Variants in NBEAL1 observed in about 807,000 individuals in gnomAD.
The protein encoded by NBEAL1 is neurobeachin-like protein 1.
In NBEAL1, 273 loss-of-function variants were observed where a neutral mutation model predicts 351.3. The observed-to-expected ratio is 0.78, with a 90% CI of 0.70 to 0.86. The LOEUF (loss-of-function observed/expected upper bound fraction) is 0.86, where lower values mean the gene tolerates loss of function less well. Ranked by LOEUF, NBEAL1 falls within the 40% of genes least tolerant of loss-of-function variation. The pLI, the probability that NBEAL1 is intolerant of heterozygous loss-of-function variation, is 0.00. For synonymous variants in NBEAL1, 1,050 were observed against 1,086.4 expected (o/e 0.97, Z 0.66); for missense variants, 2,961 against 3,201.3 (o/e 0.92, Z 1.81).
intron 10 of NBEAL1, among the ~76,000 whole-genome samples, chr2:203,092,689 G>A (rs907080294): frequency 6.6e-6 from 1 of 152,182 alleles, no homozygotes; most frequent in African/African-American, 2.4e-5. Flanking sequence ...TCTATTTGAG[G>A]TATTCTTTTC....
chr2:203,025,623 A>G (rs1044049110), intron 2 of NBEAL1, among the ~76,000 whole-genome samples: 2 of 152,200 alleles, frequency 1.3e-5, no homozygotes, highest in East Asian at 1.9e-4. Context: ...ATCTATCTCA[A>G]GAACTCCAAA....
In NBEAL1 at chr2:203,145,079, T is replaced by C. The variant is rs745999830; in HGVS notation, c.5223T>C (p.Tyr1741=). ...FYDGHENMAL[Y]WKDCYEALMV... is the part of the protein sequence containing the mutation. The stretch of plus-strand genomic sequence containing the variant: ...ATGGTCATGAGAACATGGCACTTTA[T>C]TGGAAGGATTGTTATGAAGCTTTAA... Residue 1741 remains tyrosine (Y), a synonymous_variant, in exon 33 of 56, where the codon TAT becomes TAC. Coordinates refer to ENST00000683969, the MANE Select transcript of NBEAL1 (RefSeq NM_001378026.1). The C allele has an allele frequency of 6.2e-7, 1 of 1,613,356 alleles. No homozygotes were observed. Among genetic ancestry groups the C allele is most frequent in the Admixed American group, 1.7e-5 (1 of 59,946 alleles).
At chr2:203,120,179 T>C (rs1366485775) in intron 18 of NBEAL1, among the ~76,000 whole-genome samples, 1 of 152,214 alleles carries the variant, frequency 6.6e-6, no homozygotes, top group Non-Finnish European at 1.5e-5. Context: ...TTAAGCACTA[T>C]GCTAAGTATT....
At chr2:203,019,845 A>G (rs1488651160) in intron 2 of NBEAL1, among the ~76,000 whole-genome samples, 1 of 152,166 alleles carries the variant, frequency 6.6e-6, no homozygotes, top group African/African-American at 2.4e-5. Context: ...GCCTGGGTTC[A>G]ATTGTAAGCT....
At chr2:203,144,472 A>T (rs1396413055) in intron 31 of NBEAL1, 128 bp from the exon 32 acceptor site, 3 of 847,766 alleles carry the variant, frequency 3.5e-6, no homozygotes, top group Non-Finnish European at 3.6e-6. Flanking sequence ...GCAAAGTAAC[A>T]TCTGAGACCT....
intron 47 of NBEAL1, among the ~76,000 whole-genome samples, chr2:203,195,230 C>A (rs1231398436): frequency 6.6e-6 from 1 of 151,012 alleles, no homozygotes; most frequent in Non-Finnish European, 1.5e-5. Context: ...CTCAAATGAA[C>A]AATATTGTAG....
At chr2:203,172,525 AAAAAG>A (rs2064354408) in intron 40 of NBEAL1, among the ~76,000 whole-genome samples, 199 bp from the exon 41 acceptor site, 1 of 152,182 alleles carries the variant, frequency 6.6e-6, no homozygotes, top group African/African-American at 2.4e-5. Context: ...TGTCTCAAAA[AAAAAG>A]AAAAGAAAAG....
rs1262496334 is a variant in NBEAL1, at chr2:203,223,317, T to C, written c.*5963T>C. Among the ~76,000 whole-genome samples the C allele has an allele frequency of 6.6e-6, 1 of 152,158 alleles. No homozygotes were observed. Among genetic ancestry groups the C allele is most frequent in the Non-Finnish European group, 1.5e-5 (1 of 67,970 alleles). Reference sequence around the variant, plus strand: ...TTTGTTTTTCATGGTACGGTTTTCATGTTTCCTTGGAAACATATTTTGCAA... The same window carrying C: ...TTTGTTTTTCATGGTACGGTTTTCACGTTTCCTTGGAAACATATTTTGCAA... On this transcript the variant is annotated 3_prime_UTR_variant, in exon 56 of 56. Transcript: ENST00000683969.
At chr2:203,065,919 A>C (rs1052453386) in intron 6 of NBEAL1, among the ~76,000 whole-genome samples, 59 of 152,248 alleles carry the variant, frequency 3.9e-4, no homozygotes, top group African/African-American at 1.4e-3. Context: ...GCAATTAACT[A>C]TGCTATATTC....
chr2:203,202,713 T>G lies in NBEAL1; in HGVS notation c.7438T>G (p.Tyr2480Asp), dbSNP rs776737462. ...MDIVTCLATD[Y>D]CGIHLISGSR... is the part of the protein sequence containing the mutation. Reference sequence around the variant, plus strand: ...TATTGTGACTTGCTTAGCTACAGATTACTGTGGAATACATTTGATTTCTGG... The same window carrying G: ...TATTGTGACTTGCTTAGCTACAGATGACTGTGGAATACATTTGATTTCTGG... Residue 2480 changes from tyrosine to aspartate, a missense_variant, in exon 51 of 56, where the codon TAC (tyrosine) becomes GAC (aspartate). Coordinates refer to ENST00000683969, the MANE Select transcript of NBEAL1 (RefSeq NM_001378026.1). 2.5e-6 allele frequency: 4 copies of G among 1,597,586 alleles called. No individual in the cohort carries two copies. The highest frequency in any genetic ancestry group is 1.3e-5 in the African/African-American group (1 of 74,700).
In NBEAL1 at chr2:203,190,392, A is replaced by G; in HGVS notation, c.6921+3A>G. The G allele has an allele frequency of 6.3e-7, 1 of 1,587,234 alleles. No homozygotes were observed. Among genetic ancestry groups the G allele is most frequent in the South Asian group, 1.1e-5 (1 of 88,650 alleles). ...AAACACCCTGTCAATTATTAAAGGTAAGTCAACAACTTAAGAAGTAGATTT... is the reference window on the plus strand; with the variant it reads ...AAACACCCTGTCAATTATTAAAGGTGAGTCAACAACTTAAGAAGTAGATTT... On this transcript the variant is annotated splice_donor_region_variant and intron_variant, in intron 46 of 55. Coordinates refer to ENST00000683969, the MANE Select transcript of NBEAL1 (RefSeq NM_001378026.1).
intron 12 of NBEAL1, among the ~76,000 whole-genome samples, chr2:203,106,529 A>G (rs906932721): frequency 3.3e-5 from 5 of 152,224 alleles, no homozygotes; most frequent in Non-Finnish European, 7.3e-5. Flanking sequence ...TTATGAGTAT[A>G]ATGGATTGCC....
rs759238940 is a variant in NBEAL1 at position 203,218,009 on chromosome 2, G to T, written c.*655G>T. Reference sequence around the variant, plus strand: ...AGTGGAACTAGAGATACATTTTACAGATGTATTTCCTTAATAATATAATTA... The same window carrying T: ...AGTGGAACTAGAGATACATTTTACATATGTATTTCCTTAATAATATAATTA... On this transcript the variant is annotated 3_prime_UTR_variant, in exon 56 of 56. Coordinates refer to ENST00000683969, the MANE Select transcript of NBEAL1 (RefSeq NM_001378026.1). 5 of 791,212 alleles carry T rather than the reference G, an allele frequency of 6.3e-6. No homozygotes were observed. Among genetic ancestry groups the T allele is most frequent in the Non-Finnish European group, 7.7e-6 (5 of 653,122 alleles). The allele number at this position is 791,212 out of a possible 1,614,324, so 49.0% of individuals were successfully genotyped here.
chr2:203,125,387 C>T lies in NBEAL1; in HGVS notation c.2718C>T (p.Leu906=), dbSNP rs1481783812. Residue 906 remains leucine (L), a synonymous_variant, in exon 20 of 56, where the codon CTC becomes CTT. Transcript: ENST00000683969. Reference sequence around the variant, plus strand: ...ACTGCATAGGTGGGTTAAATGTACTCTTTCCTTTATTGGAACAAATCAGCC... The same window carrying T: ...ACTGCATAGGTGGGTTAAATGTACTTTTTCCTTTATTGGAACAAATCAGCC... ...IINCIGGLNV[L]FPLLEQISHF... is the part of the protein sequence containing the mutation. 1 of 1,543,856 alleles carries T rather than the reference C, an allele frequency of 6.5e-7. No homozygotes were observed. The highest frequency in any genetic ancestry group is 1.2e-5 in the South Asian group (1 of 81,846).
At chr2:203,083,794 C>A (rs1450733211) in intron 9 of NBEAL1, among the ~76,000 whole-genome samples, 1 of 152,124 alleles carries the variant, frequency 6.6e-6, no homozygotes, top group Admixed American at 6.5e-5. Flanking sequence ...AGAAAGTTAG[C>A]TAAGACTTTG....
intron 51 of NBEAL1, among the ~76,000 whole-genome samples, chr2:203,205,993 C>G (rs2065543048): frequency 6.6e-6 from 1 of 152,146 alleles, no homozygotes; most frequent in Non-Finnish European, 1.5e-5. Flanking sequence ...CAAATAGCAA[C>G]TATTCAAATA....
Position 203,138,716 on chromosome 2 carries a change from C to T in NBEAL1, c.4816C>T (p.Leu1606Phe), listed in dbSNP as rs1028071261. 6.8e-6 allele frequency: 11 copies of T among 1,612,468 alleles called. No individual in the cohort carries two copies. The African/African-American group carries it at 1.3e-4, about 20-fold the overall frequency. Residue 1606 changes from leucine (L) to phenylalanine (F), a missense_variant, in exon 31 of 56, where the codon CTT becomes TTT. Coordinates refer to ENST00000683969, the MANE Select transcript of NBEAL1 (RefSeq NM_001378026.1). The part of the protein sequence containing the change: ...VKLSQIQIQL[L>F]LGFIGRGNLQ... ...ACTCTCTCAAATTCAGATCCAGTTGCTTCTAGGATTCATTGGAAGGGGTAA... is the reference window on the plus strand; with the variant it reads ...ACTCTCTCAAATTCAGATCCAGTTGTTTCTAGGATTCATTGGAAGGGGTAA...
chr2:203,083,393 C>A lies in NBEAL1; in HGVS notation c.859C>A (p.Arg287Ser). 1 of 1,555,326 alleles carries A rather than the reference C, an allele frequency of 6.4e-7. No homozygotes were observed. The highest frequency in any genetic ancestry group is 1.4e-5 in the African/African-American group (1 of 73,786). ...HILLSSNSDQRQVETSTILEN... is the reference protein window; with the variant it reads ...HILLSSNSDQSQVETSTILEN... ...CCTTCTCAGTAGCAACTCTGATCAG[C>A]GTCAAGTGGAAACCAGTACTATTCT... The change falls in exon 9 of 56, where the codon CGT (arginine) becomes AGT (serine). Residue 287 changes from arginine to serine, a missense_variant. Physicochemically the swap from Arg to Ser is moderately radical, Grantham distance 110. Coordinates refer to ENST00000683969, the MANE Select transcript of NBEAL1 (RefSeq NM_001378026.1).
rs1375017993 is a variant in NBEAL1, at chr2:203,172,396, C to T, written c.6199-333C>T. Among the ~76,000 whole-genome samples the T allele has an allele frequency of 3.9e-5, 6 of 152,046 alleles. No individual in the cohort carries two copies. In the East Asian group the frequency reaches 1.2e-3, roughly 30 times the overall value. On this transcript the variant is annotated intron_variant, in intron 40 of 55. Transcript: ENST00000683969. ...ATTATCTGGGCGTGGTGGTGCACAC[C>T]TGTAATCCCAGCAACTCAGGAGGCT...
Sources: gnomAD v4.1 joint callset for allele counts (sites outside exome capture counted in the v4.1 genomes callset) on GRCh38, gnomAD v4.1.1 for gene constraint, MANE v1.5 for transcripts, NCBI Gene and HGNC (gene_info 2026-07-23, HGNC 2026-07-21) for gene names.